PTPRT: variants seen among roughly 807,000 people sequenced by gnomAD.
The protein encoded by PTPRT is protein tyrosine phosphatase receptor type T.
In PTPRT, 56 loss-of-function variants were observed where a neutral mutation model predicts 176.8. That is an observed-to-expected ratio of 0.32 (90% confidence interval 0.26 to 0.40). The LOEUF is 0.40. Among genes scored for constraint, PTPRT ranks in the 10% least tolerant of loss-of-function variants. The pLI, the probability that PTPRT is intolerant of heterozygous loss-of-function variation, is 1.00. For missense variants in PTPRT, 1,540 were observed against 1,908.2 expected (o/e 0.81, Z 3.60); for synonymous variants, 783 against 739.0 (o/e 1.06, Z -0.96).
At chr20:42,046,619 G>A in the PTPRT span, among the ~76,000 whole-genome samples, 2 of 152,150 alleles carry the variant, frequency 1.3e-5, no homozygotes, top group East Asian at 1.9e-4. Flanking sequence ...CATTATAGGC[G>A]CCCATCAAGG....
intron 1 of PTPRT, among the ~76,000 whole-genome samples, chr20:43,081,813 T>A (rs2011451495): frequency 6.6e-6 from 1 of 152,174 alleles, no homozygotes; most frequent in Admixed American, 6.5e-5. Flanking sequence ...TCCTTCTTTG[T>A]CTTTTTTCCC....
intron 15 of PTPRT, among the ~76,000 whole-genome samples, chr20:42,212,416 C>CAAAA (rs34652089): frequency 6.6e-5 from 6 of 90,584 alleles, no homozygotes; most frequent in African/African-American, 7.4e-5. Flanking sequence ...TCTTTTTTCT[C>CAAAA]AAAAAAAAAA....
intron 1 of PTPRT, among the ~76,000 whole-genome samples, chr20:43,144,016 C>A (rs892886943): frequency 6.6e-6 from 1 of 152,172 alleles, no homozygotes; most frequent in African/African-American, 2.4e-5. Context: ...CTGGTTCTTC[C>A]ATCCACAGCT....
chr20:42,602,295 G>C (rs968677794), intron 7 of PTPRT, among the ~76,000 whole-genome samples: 2 of 152,146 alleles, frequency 1.3e-5, no homozygotes, highest in Admixed American at 6.5e-5. Context: ...AAAAGCTCCT[G>C]CAAGTCTTGG....
intron 6 of PTPRT, among the ~76,000 whole-genome samples, chr20:42,680,723 C>G: frequency 6.6e-6 from 1 of 152,166 alleles, no homozygotes; most frequent in East Asian, 1.9e-4. Flanking sequence ...TTTCTGCTCT[C>G]CTATTTCAGA....
intron 8 of PTPRT, among the ~76,000 whole-genome samples, chr20:42,463,264 A>G (rs940569428): frequency 6.6e-6 from 1 of 151,738 alleles, no homozygotes; most frequent in African/African-American, 2.4e-5. Flanking sequence ...TCCCTTTTCC[A>G]TTCCTTTTTC....
intron 1 of PTPRT, among the ~76,000 whole-genome samples, chr20:43,074,684 A>T (rs2011230476): frequency 6.6e-6 from 1 of 152,130 alleles, no homozygotes; most frequent in Non-Finnish European, 1.5e-5. Context: ...CACTCTTGGA[A>T]CTTTCTAGTA....
At chr20:42,680,309 A>C (rs2075581786) in intron 6 of PTPRT, among the ~76,000 whole-genome samples, 1 of 152,248 alleles carries the variant, frequency 6.6e-6, no homozygotes. Flanking sequence ...TGGTCAGAGA[A>C]GGAAATTAAG....
intron 22 of PTPRT, among the ~76,000 whole-genome samples, chr20:42,113,701 T>C (rs1987132000): frequency 6.6e-6 from 1 of 152,314 alleles, no homozygotes; most frequent in Non-Finnish European, 1.5e-5. Context: ...CTCTCCTGCT[T>C]CCCACTCTCT....
chr20:42,280,704 G>A (rs977648752), intron 13 of PTPRT, among the ~76,000 whole-genome samples: 2 of 152,180 alleles, frequency 1.3e-5, no homozygotes, highest in African/African-American at 4.8e-5. Context: ...AAATGTCACT[G>A]CAATTCTCTT....
intron 1 of PTPRT, among the ~76,000 whole-genome samples, chr20:43,181,316 T>C (rs561234933): frequency 4.6e-5 from 7 of 152,236 alleles, no homozygotes; most frequent in Non-Finnish European, 7.4e-5. Flanking sequence ...AGCCACTGCA[T>C]TGGGGGAGTG....
chr20:42,123,024 G>A (rs920720882), intron 19 of PTPRT, among the ~76,000 whole-genome samples: 32 of 152,268 alleles, frequency 2.1e-4, no homozygotes, highest in Admixed American at 4.6e-4. Context: ...TCCATGTGCT[G>A]CAGTAAATTT....
At chr20:42,814,194 G>A (rs1377203978) in intron 2 of PTPRT, among the ~76,000 whole-genome samples, 1 of 152,096 alleles carries the variant, frequency 6.6e-6, no homozygotes, top group East Asian at 1.9e-4. Flanking sequence ...ATACTTACCA[G>A]TGTTTAAAAC....
At chr20:42,246,176 T>C (rs2056447625) in intron 14 of PTPRT, among the ~76,000 whole-genome samples, 3 of 152,102 alleles carry the variant, frequency 2.0e-5, no homozygotes, top group South Asian at 2.1e-4. Flanking sequence ...GGGGGGTAGC[T>C]GGGGACAGAA....
intron 7 of PTPRT, among the ~76,000 whole-genome samples, chr20:42,537,266 C>T (rs531679388): frequency 6.8e-4 from 104 of 152,072 alleles, no homozygotes; most frequent in African/African-American, 2.3e-3. Context: ...AGAACAGCCA[C>T]GAGTTTAAAT....
At chr20:42,218,106 C>T (rs201287739) in intron 15 of PTPRT, among the ~76,000 whole-genome samples, 8 of 152,080 alleles carry the variant, frequency 5.3e-5, no homozygotes, top group African/African-American at 1.9e-4. Context: ...GTTAAAGCCT[C>T]GTAAATGTCT....
chr20:43,079,043 A>G (rs574157768), intron 1 of PTPRT, among the ~76,000 whole-genome samples: 7 of 152,218 alleles, frequency 4.6e-5, no homozygotes, highest in Admixed American at 3.9e-4. Flanking sequence ...ATTTTTGTAT[A>G]CTTTGAACCC....
At chr20:42,055,734 T>C in the PTPRT span, among the ~76,000 whole-genome samples, 1 of 151,864 alleles carries the variant, frequency 6.6e-6, no homozygotes, top group Non-Finnish European at 1.5e-5. Flanking sequence ...CCTGGAGGAA[T>C]AGGAAGAGGT....
chr20:42,866,571 A>G (rs978516805), intron 2 of PTPRT, among the ~76,000 whole-genome samples: 1 of 152,168 alleles, frequency 6.6e-6, no homozygotes, highest in Non-Finnish European at 1.5e-5. Context: ...CACACTGGCC[A>G]ACAAGTGGTT....
Sources: allele counts gnomAD v4.1 joint callset (sites outside exome capture counted in the v4.1 genomes callset), GRCh38; gene constraint gnomAD v4.1.1; transcripts MANE v1.5; gene names NCBI Gene and HGNC (gene_info 2026-07-23, HGNC 2026-07-21).